Variants in BMAL1 observed in about 807,000 individuals in gnomAD.
BMAL1 encodes basic helix-loop-helix ARNT like 1.
At chr11:13,307,357 T>C in the BMAL1 span, among the ~76,000 whole-genome samples, 2 of 152,244 alleles carry the variant, frequency 1.3e-5, no homozygotes, top group African/African-American at 4.8e-5. Flanking sequence ...CGTAGGCCAC[T>C]GCTTTAGCTC....
chr11:13,383,251 A>T, the BMAL1 span, among the ~76,000 whole-genome samples: 3 of 152,224 alleles, frequency 2.0e-5, no homozygotes, highest in Non-Finnish European at 1.5e-5. Context: ...AGAAGCACTA[A>T]GGAAAATTCA....
At chr11:13,360,907 C>T in the BMAL1 span, among the ~76,000 whole-genome samples, 8 of 152,164 alleles carry the variant, frequency 5.3e-5, no homozygotes, top group South Asian at 2.1e-4. Context: ...CACCTGAGGT[C>T]GAGTTTGAGA....
chr11:13,356,719 A>G, the BMAL1 span: 2 of 1,613,930 alleles, frequency 1.2e-6, no homozygotes, highest in African/African-American at 2.7e-5. Flanking sequence ...ATGCAGTCAC[A>G]TTCTCTTTTG....
At chr11:13,284,489 G>A in the BMAL1 span, among the ~76,000 whole-genome samples, 6 of 151,258 alleles carry the variant, frequency 4.0e-5, no homozygotes, top group Non-Finnish European at 8.8e-5. Flanking sequence ...ATGGAAGGAC[G>A]TGCCCTGCCC....
the BMAL1 span, chr11:13,376,491 C>T: frequency 6.4e-6 from 5 of 777,274 alleles, no homozygotes; most frequent in Admixed American, 3.6e-5. Context: ...TATTATCAAA[C>T]AGTGAGACCT....
At chr11:13,356,140 C>T in the BMAL1 span, among the ~76,000 whole-genome samples, 3 of 152,180 alleles carry the variant, frequency 2.0e-5, no homozygotes, top group Non-Finnish European at 4.4e-5. Context: ...CTCAGCCCCA[C>T]TACGCCCCTC....
the BMAL1 span, among the ~76,000 whole-genome samples, chr11:13,294,770 A>ATG: frequency 6.6e-6 from 1 of 152,036 alleles, no homozygotes; most frequent in Admixed American, 6.5e-5. Flanking sequence ...CTGTACTCAT[A>ATG]TGTACCTCAG....
chr11:13,370,575 T>C, the BMAL1 span, among the ~76,000 whole-genome samples: 12 of 152,222 alleles, frequency 7.9e-5, no homozygotes, highest in African/African-American at 2.6e-4. Context: ...TCAATCCCGT[T>C]AGTTATGAAG....
At chr11:13,318,413 A>G in the BMAL1 span, among the ~76,000 whole-genome samples, 5 of 152,200 alleles carry the variant, frequency 3.3e-5, no homozygotes, top group Admixed American at 6.5e-5. Flanking sequence ...AGGCTTATAT[A>G]GCAACATAAA....
At chr11:13,291,425 G>A in the BMAL1 span, among the ~76,000 whole-genome samples, 1 of 152,170 alleles carries the variant, frequency 6.6e-6, no homozygotes. Flanking sequence ...ATGTGTTGTG[G>A]TGGTGATGGA....
chr11:13,375,418 A>G, the BMAL1 span, among the ~76,000 whole-genome samples: 1 of 152,240 alleles, frequency 6.6e-6, no homozygotes, highest in African/African-American at 2.4e-5. Context: ...ACAGCTTCAC[A>G]AATGAATTGA....
the BMAL1 span, among the ~76,000 whole-genome samples, chr11:13,287,788 A>G: frequency 1.2e-4 from 18 of 152,374 alleles, no homozygotes; most frequent in Middle Eastern, 0.017. Flanking sequence ...CAGCAAATCT[A>G]TAGCTGAGCC....
At chr11:13,369,376 C>T in the BMAL1 span, among the ~76,000 whole-genome samples, 12 of 152,232 alleles carry the variant, frequency 7.9e-5, no homozygotes, top group Non-Finnish European at 2.9e-5. Context: ...TATTTCTTTT[C>T]ATCCCCAGAG....
the BMAL1 span, among the ~76,000 whole-genome samples, chr11:13,309,807 G>A: frequency 1.6e-4 from 25 of 152,094 alleles, no homozygotes; most frequent in African/African-American, 6.0e-4. Context: ...GAGAGGAGGG[G>A]GTGCCTGGCC....
the BMAL1 span, chr11:13,356,968 A>G: frequency 3.7e-6 from 6 of 1,601,000 alleles, no homozygotes; most frequent in Middle Eastern, 1.6e-4. Context: ...AGATGACAGG[A>G]TCAGGCAGAA....
At chr11:13,369,809 G>A in the BMAL1 span, 18 of 1,590,474 alleles carry the variant, frequency 1.1e-5, no homozygotes, top group Non-Finnish European at 1.5e-5. Flanking sequence ...GACAGGTGAA[G>A]CATGCTTTCT....
chr11:13,332,929 C>T, the BMAL1 span, among the ~76,000 whole-genome samples: 1 of 151,718 alleles, frequency 6.6e-6, no homozygotes, highest in East Asian at 1.9e-4. Flanking sequence ...ATATTGTGTG[C>T]CCCCAGGTAA....
At chr11:13,386,218 C>T in the BMAL1 span, among the ~76,000 whole-genome samples, 1 of 152,154 alleles carries the variant, frequency 6.6e-6, no homozygotes, top group African/African-American at 2.4e-5. Flanking sequence ...TTCCTAAACT[C>T]TCCCTTCCTA....
chr11:13,340,740 C>G, the BMAL1 span, among the ~76,000 whole-genome samples: 1 of 152,164 alleles, frequency 6.6e-6, no homozygotes, highest in Non-Finnish European at 1.5e-5. Flanking sequence ...TCTCTGAGTT[C>G]TTGTATCCCC....
Sources: gnomAD v4.1 joint callset for allele counts (sites outside exome capture counted in the v4.1 genomes callset) on GRCh38, gnomAD v4.1.1 for gene constraint, MANE v1.5 for transcripts, NCBI Gene and HGNC (gene_info 2026-07-23, HGNC 2026-07-21) for gene names.